The following THEMIS2 variants were observed in gnomAD, a reference collection of about 807,000 sequenced individuals.
THEMIS2 encodes the protein thymocyte selection associated family member 2.
A neutral mutation model predicts 46.8 loss-of-function variants in THEMIS2; 29 were observed. That is an observed-to-expected ratio of 0.62 (90% CI 0.46 to 0.84). The LOEUF is 0.84. THEMIS2 is among the 40% of genes least tolerant of loss of function. THEMIS2 has a pLI of 0.00. For missense variants in THEMIS2, 698 were observed against 834.7 expected, an observed-to-expected ratio of 0.84 and a Z score of 2.02; for synonymous variants, 335 against 349.1, an observed-to-expected ratio of 0.96 and a Z score of 0.45.
At chr1:27,876,305 G>A (rs1016161003) in intron 1 of THEMIS2, among the ~76,000 whole-genome samples, 2 of 152,132 alleles carry the variant, frequency 1.3e-5, no homozygotes, top group African/African-American at 4.8e-5. Flanking sequence ...CAGTGATGTT[G>A]AGATGGATCA....
At chr1:27,874,495 A>G (rs1472779456) in intron 1 of THEMIS2, among the ~76,000 whole-genome samples, 1 of 151,622 alleles carries the variant, frequency 6.6e-6, no homozygotes, top group African/African-American at 2.4e-5. Flanking sequence ...TTTAAAATAA[A>G]AAATTGCAGG....
intron 1 of THEMIS2, among the ~76,000 whole-genome samples, chr1:27,874,483 A>C (rs755091075): frequency 1.4e-4 from 21 of 148,216 alleles, no homozygotes; most frequent in Non-Finnish European, 3.0e-4. Context: ...TCTACAAAAA[A>C]TTTTAAAATA....
chr1:27,880,096 GAA>G lies in THEMIS2; in HGVS notation c.646+44_646+45del, dbSNP rs771972412. The G allele has an allele frequency of 2.7e-5, 42 of 1,538,368 alleles. 1 individual carries two copies. The South Asian group carries it at 5.1e-4, about 19-fold the overall frequency. On this transcript the variant is annotated intron_variant, in intron 3 of 5. Transcript: ENST00000373921. The stretch of plus-strand genomic sequence containing the variant: ...GATGGATGCGCGCTGCTGGGGGAGA[GAA>G]AGAGGGTTGCCCCTGGGAGCTGCTC...
rs555440403 is a variant in THEMIS2, at chr1:27,877,603, A to G, written c.235+875A>G. Reference sequence around the variant, plus strand: ...TGGCCTCCCAAAGTGCTGGGATTACAGGCATGAGCCACCATGCCCGGCCAG... The same window carrying G: ...TGGCCTCCCAAAGTGCTGGGATTACGGGCATGAGCCACCATGCCCGGCCAG... On this transcript the variant is annotated intron_variant, in intron 2 of 5. Transcript: ENST00000373921. Among the ~76,000 whole-genome samples the G allele has an allele frequency of 3.3e-5, 5 of 152,220 alleles. No homozygotes were observed. The East Asian group carries it at 9.8e-4, about 30-fold the overall frequency.
chr1:27,873,722 C>T (rs192121682), intron 1 of THEMIS2, among the ~76,000 whole-genome samples: 1 of 152,264 alleles, frequency 6.6e-6, no homozygotes, highest in Admixed American at 6.5e-5. Context: ...TGCAGGAAGG[C>T]GCCTGGGATC....
At chr1:27,883,712 C>T (rs2148643174) in intron 4 of THEMIS2, 1 of 152,864 alleles carries the variant, frequency 6.5e-6, no homozygotes, top group Middle Eastern at 3.4e-3. Flanking sequence ...TGTTCTTCCT[C>T]CTTCAGGCTC....
At chr1:27,879,212 C>G (rs534845259) in intron 2 of THEMIS2, among the ~76,000 whole-genome samples, 114 of 152,184 alleles carry the variant, frequency 7.5e-4, no homozygotes, top group Admixed American at 1.5e-3. Flanking sequence ...TGGCCAGCAG[C>G]TCCTGGGATG....
chr1:27,875,095 C>T (rs1453947766), intron 1 of THEMIS2, among the ~76,000 whole-genome samples: 1 of 152,094 alleles, frequency 6.6e-6, no homozygotes, highest in Non-Finnish European at 1.5e-5. Context: ...TCTCCTGCCT[C>T]AGCCTCCTGA....
chr1:27,882,969 G>C lies in THEMIS2; in HGVS notation c.1645G>C (p.Ala549Pro), dbSNP rs758703060. Reference protein sequence around the residue: ...LRKLPACEIQAPPPRPPKNQG... With the variant: ...LRKLPACEIQPPPPRPPKNQG... ...GAAGTTACCAGCCTGTGAGATCCAAGCCCCCCCACCCAGGCCCCCTAAAAA... is the reference window on the plus strand; with the variant it reads ...GAAGTTACCAGCCTGTGAGATCCAACCCCCCCCACCCAGGCCCCCTAAAAA... The change falls in exon 4 of 6, where the codon GCC (alanine) becomes CCC (proline). Residue 549 changes from alanine (A) to proline (P), a missense_variant. Coordinates refer to ENST00000373921, the MANE Select transcript of THEMIS2 (RefSeq NM_001105556.3). The surrounding 1 kb of genome is among the most constrained non-coding windows in gnomAD (Gnocchi z 7.6). 3 of 1,613,336 alleles carry C rather than the reference G, an allele frequency of 1.9e-6. No individual in the cohort carries two copies. The highest frequency in any genetic ancestry group is 2.5e-6 in the Non-Finnish European group (3 of 1,179,868).
At chr1:27,878,004 G>T (rs938596336) in intron 2 of THEMIS2, among the ~76,000 whole-genome samples, 1 of 151,684 alleles carries the variant, frequency 6.6e-6, no homozygotes, top group African/African-American at 2.4e-5. Context: ...ACAAAAATTA[G>T]CTAGGGGTGG....
chr1:27,881,849 A>G, intron 3 of THEMIS2, 122 bp from the exon 4 acceptor site: 1 of 749,248 alleles, frequency 1.3e-6, no homozygotes, highest in Non-Finnish European at 2.1e-6. Context: ...TCTCAAAAAA[A>G]AAAAAAGAAA....
rs940509361 is a variant in THEMIS2 at position 27,878,264 on chromosome 1, G to A, written c.236-1380G>A. 1.3e-4 allele frequency among the ~76,000 whole-genome samples: 19 copies of A among 151,624 alleles called. No homozygotes were observed. In the East Asian group the frequency reaches 3.6e-3, roughly 28 times the overall value. ...GGGCAAGTTGTGTGGGGAGCCGCAG[G>A]AGCCACACCACCTGGGGGCTATGTG... On this transcript the variant is annotated intron_variant, in intron 2 of 5. Coordinates refer to ENST00000373921, the MANE Select transcript of THEMIS2 (RefSeq NM_001105556.3).
rs2089705884 is a variant in THEMIS2, at chr1:27,882,750, C to T, written c.1426C>T (p.Arg476Trp). ...TDPLTSFLGL[R>W]LEEKITEPFL... Reference sequence around the variant, plus strand: ...CCCTCTGACCTCCTTCCTGGGCCTGCGGCTGGAGGAGAAGATCACAGAGCC... The same window carrying T: ...CCCTCTGACCTCCTTCCTGGGCCTGTGGCTGGAGGAGAAGATCACAGAGCC... The change falls in exon 4 of 6, where the codon CGG becomes TGG. Residue 476 changes from arginine (R) to tryptophan (W), a missense_variant. By Grantham distance (101) the Arg-to-Trp change is moderately radical. Transcript: ENST00000373921. The surrounding 1 kb of genome is among the most constrained non-coding windows in gnomAD (Gnocchi z 7.6). 8.7e-6 allele frequency: 14 copies of T among 1,613,572 alleles called. No individual in the cohort carries two copies. Among genetic ancestry groups the T allele is most frequent in the South Asian group, 1.1e-5 (1 of 91,022 alleles).
chr1:27,883,313 T>C (rs2089717688), intron 4 of THEMIS2: 5 of 475,482 alleles, frequency 1.1e-5, no homozygotes, highest in Non-Finnish European at 1.1e-5. Context: ...AACTTGGCCA[T>C]GGACAGTCTA....
Position 27,885,785 on chromosome 1 carries a change from GCA to G in THEMIS2, c.1877-79_1877-78del, listed in dbSNP as rs1167868595. ...GGGCATCCAGGCCACCTCTTTCCCT[GCA>G]CAGATGAGGAAACTGCCCTACAGAA... On this transcript the variant is annotated intron_variant, in intron 5 of 5. Coordinates refer to ENST00000373921, the MANE Select transcript of THEMIS2 (RefSeq NM_001105556.3). 24 of 1,396,276 alleles carry G rather than the reference GCA, an allele frequency of 1.7e-5. No individual in the cohort carries two copies. The African/African-American group carries it at 3.1e-4, about 18-fold the overall frequency. The allele number at this position is 1,396,276 out of a possible 1,614,324, so 86.5% of individuals were successfully genotyped here. A position where few individuals can be genotyped will look rare whatever the true frequency, so the allele number is the denominator to read the frequency against.
intron 3 of THEMIS2, among the ~76,000 whole-genome samples, chr1:27,881,312 G>A (rs575507457): frequency 8.8e-4 from 133 of 150,968 alleles, no homozygotes; most frequent in Middle Eastern, 3.5e-3. Context: ...TTAGCCGGGT[G>A]TGGTGGCGGG....
chr1:27,883,349 T>G, intron 4 of THEMIS2: 1 of 342,754 alleles, frequency 2.9e-6, no homozygotes, highest in East Asian at 5.1e-5. Context: ...TGCTTTCCTC[T>G]CTCCACTACT....
chr1:27,886,138 T>C lies in THEMIS2; in HGVS notation c.*216T>C. 1.8e-6 allele frequency: 1 copy of C among 557,640 alleles called. No individual in the cohort carries two copies. Among genetic ancestry groups the C allele is most frequent in the Non-Finnish European group, 3.2e-6 (1 of 311,682 alleles). The allele number at this position is 557,640 out of a possible 1,614,324, so 34.5% of individuals were successfully genotyped here. A position where few individuals can be genotyped will look rare whatever the true frequency, so the allele number is the denominator to read the frequency against. On this transcript the variant is annotated 3_prime_UTR_variant, in exon 6 of 6. Coordinates refer to ENST00000373921, the MANE Select transcript of THEMIS2 (RefSeq NM_001105556.3). ...GGCGGGCTGGTTTGGACCTAACATC[T>C]CGCACGTGACTCCCTCAGCCTCAGA...
rs2148645931 is a variant in THEMIS2 at position 27,886,049 on chromosome 1, T to G, written c.*127T>G. On this transcript the variant is annotated 3_prime_UTR_variant, in exon 6 of 6. Transcript: ENST00000373921. The stretch of plus-strand genomic sequence containing the variant: ...CTGAGCTGCAGACGGGGAGTAGCTT[T>G]GTGGAAACTGATTTGATGGACACTG... 1.2e-6 allele frequency: 1 copy of G among 819,292 alleles called. No individual in the cohort carries two copies. Among genetic ancestry groups the G allele is most frequent in the African/African-American group, 1.7e-5 (1 of 58,020 alleles). 50.8% of individuals were successfully genotyped at this position (819,292 alleles called of 1,614,324 possible). A position where few individuals can be genotyped will look rare whatever the true frequency, so the allele number is the denominator to read the frequency against.
Sources: allele counts gnomAD v4.1 joint callset (sites outside exome capture counted in the v4.1 genomes callset), GRCh38; gene constraint gnomAD v4.1.1; non-coding constraint Gnocchi (gnomAD v3.1); transcripts MANE v1.5; gene names NCBI Gene and HGNC (gene_info 2026-07-23, HGNC 2026-07-21).